PLEKHB2: variants seen among roughly 807,000 people sequenced by gnomAD.
PLEKHB2 encodes the protein pleckstrin homology domain containing B2, also known as pleckstrin homology domain-containing family B member 2.
PLEKHB2 carries 31 observed loss-of-function variants against 36.5 expected under a neutral mutation model. The observed-to-expected ratio is 0.85, with a 90% confidence interval of 0.64 to 1.15. The LOEUF (loss-of-function observed/expected upper bound fraction) is 1.15, where lower values mean the gene tolerates loss of function less well. PLEKHB2 is among the 50% of genes most tolerant of loss of function. PLEKHB2 has a pLI of 0.00. For synonymous variants in PLEKHB2, 119 were observed against 112.0 expected, an observed-to-expected ratio of 1.06 and a Z score of -0.39; for missense variants, 262 against 295.3, an observed-to-expected ratio of 0.89 and a Z score of 0.83.
At chr2:131,145,889 A>C (rs1165911647) in intron 7 of PLEKHB2, among the ~76,000 whole-genome samples, 3 of 152,160 alleles carry the variant, frequency 2.0e-5, no homozygotes, top group Non-Finnish European at 4.4e-5. Flanking sequence ...TGCAGTAAAA[A>C]AGAGTAGGCC....
intron 4 of PLEKHB2, among the ~76,000 whole-genome samples, chr2:131,127,665 T>G (rs1463879573): frequency 6.6e-6 from 1 of 152,196 alleles, no homozygotes; most frequent in Non-Finnish European, 1.5e-5. Flanking sequence ...AGAAGTTTGA[T>G]CTCAAGCACA....
intron 1 of PLEKHB2, among the ~76,000 whole-genome samples, chr2:131,117,581 A>G (rs1696019369): frequency 2.0e-5 from 3 of 151,990 alleles, no homozygotes; most frequent in Admixed American, 2.0e-4. Context: ...AGTTCTCAGT[A>G]CCTTTTCTAG....
rs199710162 is a variant in PLEKHB2 at position 131,135,767 on chromosome 2, A to AT, written c.423+2783dup. Among the ~76,000 whole-genome samples, 70 of 150,246 alleles carry AT rather than the reference A, an allele frequency of 4.7e-4. 1 individual carries two copies. The highest frequency in any genetic ancestry group is 3.3e-4 in the Admixed American group (5 of 15,196). ...AGGCACCTGCCACCATGCCCGGCTA[A>AT]TTTTTTTATTTTTTTTATTTTTAGT... On this transcript the variant is annotated intron_variant, in intron 6 of 7. Transcript: ENST00000693505.
intron 7 of PLEKHB2, among the ~76,000 whole-genome samples, chr2:131,142,222 A>C (rs1698860451): frequency 6.6e-6 from 1 of 152,210 alleles, no homozygotes; most frequent in Non-Finnish European, 1.5e-5. Flanking sequence ...CCAGAGGGGA[A>C]TCCATTCTTT....
intron 1 of PLEKHB2, chr2:131,120,675 G>A: frequency 1.8e-6 from 1 of 544,666 alleles, no homozygotes; most frequent in Middle Eastern, 5.0e-4. Flanking sequence ...CTTTATGTTT[G>A]TTGAGTGGTG....
intron 1 of PLEKHB2, among the ~76,000 whole-genome samples, chr2:131,108,508 G>A (rs534827259): frequency 1.3e-5 from 2 of 152,318 alleles, no homozygotes; most frequent in African/African-American, 4.8e-5. Flanking sequence ...CATTTGAGAA[G>A]CAGCTTGATG....
chr2:131,105,594 C>G (rs1694619378), intron 1 of PLEKHB2, among the ~76,000 whole-genome samples, 196 bp downstream of exon 1: 1 of 152,048 alleles, frequency 6.6e-6, no homozygotes, highest in Admixed American at 6.5e-5. Flanking sequence ...CCTGGACCAC[C>G]CTGACCTTCC....
chr2:131,121,167 C>G (rs1324351053), intron 2 of PLEKHB2, among the ~76,000 whole-genome samples, 189 bp downstream of exon 2: 1 of 152,220 alleles, frequency 6.6e-6, no homozygotes, highest in Non-Finnish European at 1.5e-5. Context: ...TCCTTGGTTG[C>G]TGAGTTGACA....
chr2:131,146,852 G>A lies in PLEKHB2; in HGVS notation c.*79G>A. 1.6e-6 allele frequency: 2 copies of A among 1,284,256 alleles called. No individual in the cohort carries two copies. Among genetic ancestry groups the A allele is most frequent in the East Asian group, 2.5e-5 (1 of 40,778 alleles). 79.6% of individuals were successfully genotyped at this position (1,284,256 alleles called of 1,614,324 possible). ...TGATTTGCAGGGCATTTCTGTTTGT[G>A]ACAAAAGTTTTTAATAATAGTTTTA... On this transcript the variant is annotated 3_prime_UTR_variant, in exon 8 of 8. Transcript: ENST00000693505.
At position 131,110,902 on chromosome 2, in the gene PLEKHB2, G is replaced by A. The variant is rs547351557; in HGVS notation, c.-9+5504G>A. ...AATTCATCATGCTGGACAGTCATTGGATCTTTTGAATCTAGAAATGTGTTA... is the reference window on the plus strand; with the variant it reads ...AATTCATCATGCTGGACAGTCATTGAATCTTTTGAATCTAGAAATGTGTTA... On this transcript the variant is annotated intron_variant, in intron 1 of 7. Transcript: ENST00000693505. Among the ~76,000 whole-genome samples the A allele has an allele frequency of 1.3e-4, 20 of 152,210 alleles. 1 individual carries two copies. Among genetic ancestry groups the A allele is most frequent in the African/African-American group, 4.8e-4 (20 of 41,526 alleles).
chr2:131,122,024 G>A (rs1489375795), intron 2 of PLEKHB2, among the ~76,000 whole-genome samples: 4 of 152,036 alleles, frequency 2.6e-5, no homozygotes, highest in Non-Finnish European at 4.4e-5. Flanking sequence ...TCAGCCTCCC[G>A]AGTAGCTGGG....
In PLEKHB2 at chr2:131,132,927, C is replaced by T; in HGVS notation, c.359C>T (p.Thr120Ile). 1.2e-6 allele frequency: 2 copies of T among 1,613,392 alleles called. No individual in the cohort carries two copies. Among genetic ancestry groups the T allele is most frequent in the Non-Finnish European group, 1.7e-6 (2 of 1,179,306 alleles). The change falls in exon 6 of 8, where the codon ACC becomes ATC. Residue 120 changes from threonine (T) to isoleucine (I), a missense_variant. Coordinates refer to ENST00000693505, the MANE Select transcript of PLEKHB2 (RefSeq NM_001100623.2). ...NTAYVGSAVMTDETSVVSSPP... is the reference protein window; with the variant it reads ...NTAYVGSAVMIDETSVVSSPP... ...GCGTATGTGGGCTCTGCAGTCATGA[C>T]CGATGAGACATCCGTGGTTTCCTCA...
chr2:131,120,838 C>G (rs150458769), intron 1 of PLEKHB2, 96 bp from the exon 2 acceptor site: 613 of 1,281,008 alleles, frequency 4.8e-4, no homozygotes, highest in Non-Finnish European at 4.6e-4. Context: ...GGCCCTTCCT[C>G]AGCTGATGCT....
At chr2:131,140,524 A>G (rs549164444) in intron 7 of PLEKHB2, among the ~76,000 whole-genome samples, 2 of 151,894 alleles carry the variant, frequency 1.3e-5, no homozygotes, top group South Asian at 4.2e-4. Context: ...AGAATTTTGT[A>G]CTTATTGGGA....
chr2:131,145,142 C>A (rs528146124), intron 7 of PLEKHB2, among the ~76,000 whole-genome samples: 1 of 152,184 alleles, frequency 6.6e-6, no homozygotes, highest in African/African-American at 2.4e-5. Flanking sequence ...GGTTTGTGTG[C>A]CCTTACTGTC....
Position 131,132,990 on chromosome 2 carries a change from A to T in PLEKHB2, c.422A>T (p.Glu141Val). Residue 141 changes from glutamate to valine, a missense_variant and splice_region_variant, in exon 6 of 8, where the codon GAG becomes GTG. By Grantham distance (121) the Glu-to-Val change is moderately radical. Transcript: ENST00000693505. ...PYTAYAAPAPEQAYGYGPYGG... is the reference protein window; with the variant it reads ...PYTAYAAPAPVQAYGYGPYGG... ...ACGGCCTATGCTGCACCGGCCCCTG[A>T]GGTAGGGAGAACCCTGAGCCTCCAG... 1 of 1,610,764 alleles carries T rather than the reference A, an allele frequency of 6.2e-7. No homozygotes were observed. Among genetic ancestry groups the T allele is most frequent in the Non-Finnish European group, 8.5e-7 (1 of 1,177,052 alleles).
chr2:131,147,779 C>G lies in PLEKHB2; in HGVS notation c.*1006C>G, dbSNP rs1249131384. 1 of 142,786 alleles carries G rather than the reference C, an allele frequency of 7.0e-6. No individual in the cohort carries two copies. Among genetic ancestry groups the G allele is most frequent in the East Asian group, 2.0e-4 (1 of 4,966 alleles). 8.8% of individuals were successfully genotyped at this position (142,786 alleles called of 1,614,324 possible). A position where few individuals can be genotyped will look rare whatever the true frequency, so the allele number is the denominator to read the frequency against. On this transcript the variant is annotated 3_prime_UTR_variant, in exon 8 of 8. Transcript: ENST00000693505. The stretch of plus-strand genomic sequence containing the variant: ...TGCCACTGCACTTCAGCCTGGGTGA[C>G]AGAGTGAGACTCTGTCTCAAAAAAA...
intron 3 of PLEKHB2, 144 bp from the exon 4 acceptor site, chr2:131,126,540 G>T: frequency 1.6e-6 from 1 of 644,064 alleles, no homozygotes; most frequent in Non-Finnish European, 2.8e-6. Context: ...TGTTCTTTCT[G>T]CATTCTTGGA....
chr2:131,117,253 C>T (rs1007043668), intron 1 of PLEKHB2, among the ~76,000 whole-genome samples: 1 of 152,106 alleles, frequency 6.6e-6, no homozygotes, highest in African/African-American at 2.4e-5. Flanking sequence ...TGGCGAAATC[C>T]TGTCTCTACT....
Sources: allele counts gnomAD v4.1 joint callset (sites outside exome capture counted in the v4.1 genomes callset), GRCh38; gene constraint gnomAD v4.1.1; transcripts MANE v1.5; gene names NCBI Gene and HGNC (gene_info 2026-07-23, HGNC 2026-07-21).